Variants in CLEC16A observed in about 807,000 individuals in gnomAD.
The protein encoded by CLEC16A is protein CLEC16A.
A neutral mutation model predicts 109.5 loss-of-function variants in CLEC16A; 51 were observed. The ratio of observed to expected loss-of-function variants is 0.47; its 90% CI spans 0.37 to 0.59. The LOEUF (loss-of-function observed/expected upper bound fraction) is 0.59. Among genes scored for constraint, CLEC16A ranks in the 20% least tolerant of loss-of-function variants. The pLI is 0.00. For synonymous variants in CLEC16A, 673 were observed against 564.2 expected (o/e 1.19, Z -2.73); for missense variants, 1,339 against 1,394.0 (o/e 0.96, Z 0.63).
intron 11 of CLEC16A, among the ~76,000 whole-genome samples, chr16:11,003,961 C>G (rs930193286): frequency 1.4e-5 from 2 of 138,590 alleles, no homozygotes; most frequent in African/African-American, 5.6e-5. Flanking sequence ...TGACGAGATC[C>G]TGTCTCTACA....
At chr16:11,024,618 G>C (rs919451865) in intron 12 of CLEC16A, 13 of 508,140 alleles carry the variant, frequency 2.6e-5, no homozygotes, top group African/African-American at 2.5e-4. Flanking sequence ...TCCTTGGTCA[G>C]GTTCCCCTCT....
At chr16:10,996,584 G>A (rs550134670) in intron 10 of CLEC16A, among the ~76,000 whole-genome samples, 18 of 152,242 alleles carry the variant, frequency 1.2e-4, no homozygotes, top group African/African-American at 3.6e-4. Context: ...CTATCAAGCC[G>A]TCCTAAGCTC....
rs2042653376 is a variant in CLEC16A at position 10,969,060 on chromosome 16, G to A, written c.344-101G>A. The stretch of plus-strand genomic sequence containing the variant: ...GTGTGTTTAATCCCAGCAACCCAGA[G>A]GCTTACCTGATTCAAGTACATTAAC... On this transcript the variant is annotated intron_variant, in intron 3 of 23. Coordinates refer to ENST00000409790, the MANE Select transcript of CLEC16A (RefSeq NM_015226.3). The A allele has an allele frequency of 5.2e-6, 5 of 962,072 alleles. No individual in the cohort carries two copies. In the Admixed American group the frequency reaches 1.3e-4, roughly 25 times the overall value. 59.6% of individuals were successfully genotyped at this position (962,072 alleles called of 1,614,324 possible).
intron 19 of CLEC16A, among the ~76,000 whole-genome samples, chr16:11,091,567 G>A (rs548441659): frequency 4.1e-4 from 62 of 152,330 alleles, no homozygotes; most frequent in African/African-American, 1.3e-3. Context: ...TCGGAGATGG[G>A]TAGAGTTAGT....
chr16:11,045,976 T>G (rs1252831074), intron 16 of CLEC16A, among the ~76,000 whole-genome samples: 1 of 152,090 alleles, frequency 6.6e-6, no homozygotes, highest in Non-Finnish European at 1.5e-5. Context: ...GGCACCGTGG[T>G]GGGCCCCTAC....
rs1476600439 is a variant in CLEC16A, at chr16:11,178,511, T to A, written c.2983T>A (p.Cys995Ser). ...PARQPTISLL[C>S]EDTADTLSVE... ...CCGGCAGCCCACCATTTCCCTGCTC[T>A]GCGAGGACACGGCTGACACGCTGAG... is the stretch of plus-strand genomic sequence containing the variant. The change falls in exon 24 of 24, where the codon TGC (cysteine) becomes AGC (serine). Residue 995 changes from cysteine to serine, a missense_variant. Coordinates refer to ENST00000409790, the MANE Select transcript of CLEC16A (RefSeq NM_015226.3). This position sits in a 1 kb window ranked among gnomAD's most constrained non-coding sequence, Gnocchi z 6.5. 6.2e-7 allele frequency: 1 copy of A among 1,613,476 alleles called. No homozygotes were observed. Among genetic ancestry groups the A allele is most frequent in the Admixed American group, 1.7e-5 (1 of 60,022 alleles).
At chr16:11,041,517 C>T (rs1239383396) in intron 14 of CLEC16A, 1 of 152,250 alleles carries the variant, frequency 6.6e-6, no homozygotes, top group Non-Finnish European at 1.5e-5. Flanking sequence ...GCCCCTCCAG[C>T]TAGCCCTTTC....
intron 19 of CLEC16A, among the ~76,000 whole-genome samples, chr16:11,063,382 G>A (rs930778226): frequency 7.0e-6 from 1 of 143,388 alleles, no homozygotes; most frequent in African/African-American, 2.6e-5. Flanking sequence ...CTGACCAAAC[G>A]CCTTCTGTAT....
chr16:11,098,409 C>G (rs2050726983), intron 19 of CLEC16A, among the ~76,000 whole-genome samples: 1 of 152,230 alleles, frequency 6.6e-6, no homozygotes, highest in Admixed American at 6.5e-5. Flanking sequence ...TATTTGCATC[C>G]CAGCCTGTTT....
At chr16:11,020,375 G>A (rs1302218409) in intron 12 of CLEC16A, 50 bp downstream of exon 12, 3 of 1,537,626 alleles carry the variant, frequency 2.0e-6, no homozygotes, top group South Asian at 2.4e-5. Context: ...GAAGAGGAGA[G>A]GGCTCAGTGG....
At chr16:11,172,313 GAT>G (rs1366254817) in intron 23 of CLEC16A, among the ~76,000 whole-genome samples, 2 of 151,902 alleles carry the variant, frequency 1.3e-5, no homozygotes, top group African/African-American at 2.4e-5. Context: ...CTCACACATA[GAT>G]GCACACAGTC....
intron 22 of CLEC16A, among the ~76,000 whole-genome samples, chr16:11,148,259 G>A (rs530071407): frequency 1.4e-4 from 21 of 152,244 alleles, no homozygotes; most frequent in East Asian, 1.3e-3. Flanking sequence ...ATGGTATGCC[G>A]GCAACCACGT....
intron 23 of CLEC16A, 123 bp downstream of exon 23, chr16:11,166,675 G>C: frequency 1.0e-6 from 1 of 991,320 alleles, no homozygotes; most frequent in Non-Finnish European, 1.4e-6. Flanking sequence ...ATGCCGCTCA[G>C]GTGATCTGCA....
chr16:11,066,241 G>T (rs1033159208), intron 19 of CLEC16A, among the ~76,000 whole-genome samples: 10 of 152,144 alleles, frequency 6.6e-5, no homozygotes, highest in African/African-American at 2.2e-4. Context: ...TTGCAGAGAG[G>T]CCATTTAGGA....
intron 7 of CLEC16A, 88 bp downstream of exon 7, chr16:10,973,149 A>G: frequency 7.0e-7 from 1 of 1,432,992 alleles, no homozygotes; most frequent in South Asian, 1.3e-5. Flanking sequence ...AAACACAAGA[A>G]CCGCACTTCC....
At chr16:11,114,454 C>T (rs2051830655) in intron 19 of CLEC16A, among the ~76,000 whole-genome samples, 1 of 152,102 alleles carries the variant, frequency 6.6e-6, no homozygotes, top group Non-Finnish European at 1.5e-5. Flanking sequence ...CATGGCCACT[C>T]CTGAGTGTCA....
At chr16:10,986,124 G>A (rs1368210540) in intron 10 of CLEC16A, among the ~76,000 whole-genome samples, 3 of 136,206 alleles carry the variant, frequency 2.2e-5, no homozygotes, top group Admixed American at 1.7e-4. Context: ...TCTGCCTCCC[G>A]GGTTCACGCC....
chr16:11,076,649 A>C (rs983354959), intron 19 of CLEC16A, among the ~76,000 whole-genome samples: 1 of 152,188 alleles, frequency 6.6e-6, no homozygotes, highest in African/African-American at 2.4e-5. Flanking sequence ...ATATCTGATC[A>C]ACCACAGAAC....
At chr16:11,031,473 G>A (rs540403752) in intron 13 of CLEC16A, among the ~76,000 whole-genome samples, 4 of 152,324 alleles carry the variant, frequency 2.6e-5, no homozygotes, top group African/African-American at 7.2e-5. Flanking sequence ...GTTCCCGCCT[G>A]GGCATCCTAC....
Sources: gnomAD v4.1 joint callset for allele counts (sites outside exome capture counted in the v4.1 genomes callset) on GRCh38, gnomAD v4.1.1 for gene constraint, Gnocchi (gnomAD v3.1) non-coding constraint, MANE v1.5 for transcripts, NCBI Gene and HGNC (gene_info 2026-07-23, HGNC 2026-07-21) for gene names.